Variants in AK4 observed in about 807,000 individuals in gnomAD.
AK4 encodes the protein adenylate kinase 4.
Under a neutral mutation model 24.6 loss-of-function variants are expected in AK4, and 13 were observed. The observed-to-expected ratio is 0.53, with a 90% CI of 0.34 to 0.84. AK4 has a LOEUF of 0.84. Among genes scored for constraint, AK4 ranks in the 40% least tolerant of loss-of-function variants. The pLI is 0.01. For missense variants in AK4, 192 were observed against 288.2 expected, an observed-to-expected ratio of 0.67 and a Z score of 2.42; for synonymous variants, 88 against 107.0, an observed-to-expected ratio of 0.82 and a Z score of 1.10.
At chr1:65,152,313 GCTATCTCTCT>G (rs1300298425) in intron 1 of AK4, among the ~76,000 whole-genome samples, 37 of 62,896 alleles carry the variant, frequency 5.9e-4, no homozygotes, top group African/African-American at 2.4e-3. Context: ...TTCTGCACTT[GCTATCTCTCT>G]CTCTCTCTCT....
At chr1:65,148,702 G>C (rs1385437333) in intron 1 of AK4, 150 bp downstream of exon 1, 2 of 1,279,104 alleles carry the variant, frequency 1.6e-6, no homozygotes, top group Admixed American at 4.0e-5. Flanking sequence ...TGCAGCTGGC[G>C]GCCGCGCGGC....
At chr1:65,150,668 TG>T (rs1450238142) in intron 1 of AK4, among the ~76,000 whole-genome samples, 2 of 152,136 alleles carry the variant, frequency 1.3e-5, no homozygotes, top group Non-Finnish European at 2.9e-5. Context: ...GATTTCCTGG[TG>T]GGAAACACAA....
intron 1 of AK4, among the ~76,000 whole-genome samples, chr1:65,162,663 A>G (rs1345507194): frequency 6.6e-6 from 1 of 152,040 alleles, no homozygotes; most frequent in East Asian, 1.9e-4. Flanking sequence ...TAACACGGTG[A>G]AACACCAACT....
At chr1:65,155,829 C>G (rs1649963381) in intron 1 of AK4, among the ~76,000 whole-genome samples, 1 of 150,612 alleles carries the variant, frequency 6.6e-6, no homozygotes. Flanking sequence ...GCCACCATGC[C>G]TGGCTTAATT....
chr1:65,158,213 G>A (rs1434772366), intron 1 of AK4, among the ~76,000 whole-genome samples: 3 of 152,030 alleles, frequency 2.0e-5, no homozygotes, highest in Non-Finnish European at 2.9e-5. Flanking sequence ...TTAACTTCTG[G>A]AACTGAAGGA....
chr1:65,209,219 A>G (rs945985053), intron 2 of AK4, among the ~76,000 whole-genome samples: 1 of 152,174 alleles, frequency 6.6e-6, no homozygotes, highest in African/African-American at 2.4e-5. Context: ...CTGAGGAGCT[A>G]AAGGGAGGAA....
chr1:65,150,249 G>C (rs1277048886), intron 1 of AK4, among the ~76,000 whole-genome samples: 1 of 149,370 alleles, frequency 6.7e-6, no homozygotes, highest in Non-Finnish European at 1.5e-5. Context: ...TTTTCCATTT[G>C]CTCTTTTCCC....
chr1:65,169,611 C>G (rs917858704), intron 1 of AK4, among the ~76,000 whole-genome samples: 1 of 151,982 alleles, frequency 6.6e-6, no homozygotes, highest in African/African-American at 2.4e-5. Flanking sequence ...GGCACTGTCC[C>G]CCAGTGAAAA....
At chr1:65,156,492 C>T (rs1460220241) in intron 1 of AK4, among the ~76,000 whole-genome samples, 6 of 152,138 alleles carry the variant, frequency 3.9e-5, no homozygotes, top group Admixed American at 3.3e-4. Context: ...TTTTATTGTA[C>T]AGATATATCA....
intron 2 of AK4, among the ~76,000 whole-genome samples, chr1:65,193,590 C>T (rs1651376928): frequency 6.6e-6 from 1 of 152,194 alleles, no homozygotes; most frequent in Non-Finnish European, 1.5e-5. Flanking sequence ...ATATGGTTAT[C>T]CCTCAGTATC....
In AK4 at chr1:65,163,890, GT is replaced by G. The variant is rs530823819; in HGVS notation, c.145+15339del. ...GGGGTGGAAGTGAGGTTTTCTTGCT[GT>G]CTTCTGTCCTTGGGTGGGATGGCAG... On this transcript the variant is annotated intron_variant, in intron 1 of 4. Transcript: ENST00000327299. 1.9e-3 allele frequency among the ~76,000 whole-genome samples: 293 copies of G among 152,180 alleles called. 3 individuals carry two copies. Among genetic ancestry groups the G allele is most frequent in the African/African-American group, 6.8e-3 (282 of 41,540 alleles).
At position 65,212,041 on chromosome 1, in the gene AK4, A is replaced by ACATGCTTG. The variant is rs539921101; in HGVS notation, c.266-6712_266-6711insATGCTTGC. The stretch of plus-strand genomic sequence containing the variant: ...TGAACTGTGAATGTCCAGGGTGGGC[A>ACATGCTTG]CCTGCTTGAGAGCTGCAAGGATGCC... On this transcript the variant is annotated intron_variant, in intron 2 of 4. Transcript: ENST00000327299. 2.9e-3 allele frequency among the ~76,000 whole-genome samples: 439 copies of ACATGCTTG among 152,280 alleles called. 8 individuals are homozygous for ACATGCTTG. Among genetic ancestry groups the ACATGCTTG allele is most frequent in the African/African-American group, 9.8e-3 (409 of 41,564 alleles).
intron 2 of AK4, among the ~76,000 whole-genome samples, chr1:65,191,676 A>G (rs1358578104): frequency 6.6e-6 from 1 of 151,946 alleles, no homozygotes; most frequent in African/African-American, 2.4e-5. Flanking sequence ...TGATTTTGCC[A>G]TAAAGATGGT....
rs1286432915 is a variant in AK4, at chr1:65,226,719, T to A, written c.*542T>A. 2 of 152,660 alleles carry A rather than the reference T, an allele frequency of 1.3e-5. No homozygotes were observed. The highest frequency in any genetic ancestry group is 2.9e-5 in the Non-Finnish European group (2 of 68,084). 9.5% of individuals were successfully genotyped at this position (152,660 alleles called of 1,614,324 possible). A position where few individuals can be genotyped will look rare whatever the true frequency, so the allele number is the denominator to read the frequency against. On this transcript the variant is annotated 3_prime_UTR_variant, in exon 5 of 5. Transcript: ENST00000327299. ...TTGAGTGACTGTGTCCACAGTTCAT[T>A]TTTTTCCGGTAGGAATAACTCCTTT...
At chr1:65,216,398 ACAGGCATGAGCCATCATG>A (rs1652132496) in intron 2 of AK4, among the ~76,000 whole-genome samples, 1 of 152,200 alleles carries the variant, frequency 6.6e-6, no homozygotes, top group Non-Finnish European at 1.5e-5. Flanking sequence ...TGCTGGGATT[ACAGGCATGAGCCATCATG>A]CCCGGCCACT....
chr1:65,174,267 A>G (rs1650636342), intron 1 of AK4, among the ~76,000 whole-genome samples: 1 of 151,958 alleles, frequency 6.6e-6, no homozygotes. Context: ...AGATGTTTTG[A>G]CACTCTAGTT....
In AK4 at chr1:65,148,212, G is replaced by C; in HGVS notation, c.-196G>C. Reference sequence around the variant, plus strand: ...GTGTAGCGTGGCGCTCAGTCCGCCTGCTACTCGGTCCCGGCGCTGGGCTGA... The same window carrying C: ...GTGTAGCGTGGCGCTCAGTCCGCCTCCTACTCGGTCCCGGCGCTGGGCTGA... On this transcript the variant is annotated 5_prime_UTR_variant, in exon 1 of 5. Coordinates refer to ENST00000327299, the MANE Select transcript of AK4 (RefSeq NM_013410.4). The C allele has an allele frequency of 8.3e-7, 1 of 1,209,822 alleles. No individual in the cohort carries two copies. The highest frequency in any genetic ancestry group is 1.1e-6 in the Non-Finnish European group (1 of 905,244). 74.9% of individuals were successfully genotyped at this position (1,209,822 alleles called of 1,614,324 possible).
chr1:65,199,623 T>G (rs1651601402), intron 2 of AK4, among the ~76,000 whole-genome samples: 1 of 152,192 alleles, frequency 6.6e-6, no homozygotes. Context: ...GCTGTGTCTT[T>G]AAGTTTGTGT....
rs546090543 is a variant in AK4, at chr1:65,223,100, T to A, written c.439-1652T>A. Among the ~76,000 whole-genome samples, 252 of 152,160 alleles carry A rather than the reference T, an allele frequency of 1.7e-3. 2 individuals carry two copies. The highest frequency in any genetic ancestry group is 5.7e-3 in the African/African-American group (238 of 41,576). ...ATACACCTTTAAATATGTCATTTTT[T>A]AAATATTCTAATTCATGCCTTCTGT... On this transcript the variant is annotated intron_variant, in intron 3 of 4. Transcript: ENST00000327299.
Sources: allele counts gnomAD v4.1 joint callset (sites outside exome capture counted in the v4.1 genomes callset), GRCh38; gene constraint gnomAD v4.1.1; transcripts MANE v1.5; gene names NCBI Gene and HGNC (gene_info 2026-07-23, HGNC 2026-07-21).